Variants in SLC24A2 observed in about 807,000 individuals in gnomAD.
The protein encoded by SLC24A2 is solute carrier family 24 member 2, also known as sodium/potassium/calcium exchanger 2.
SLC24A2 carries 36 observed loss-of-function variants against 62.0 expected under a neutral mutation model. The observed-to-expected ratio is 0.58, with a 90% CI of 0.44 to 0.77. The LOEUF (loss-of-function observed/expected upper bound fraction) is 0.77. Among genes scored for constraint, SLC24A2 ranks in the 30% least tolerant of loss-of-function variants. SLC24A2 has a pLI of 0.00. For synonymous variants in SLC24A2, 358 were observed against 294.0 expected, an observed-to-expected ratio of 1.22 and a Z score of -2.23; for missense variants, 846 against 817.9, an observed-to-expected ratio of 1.03 and a Z score of -0.42.
At chr9:19,831,746 A>G in the SLC24A2 span, among the ~76,000 whole-genome samples, 1 of 152,232 alleles carries the variant, frequency 6.6e-6, no homozygotes, top group Non-Finnish European at 1.5e-5. Context: ...AGCCTTCACC[A>G]TGCCAAATAT....
chr9:19,734,845 A>G (rs1340052969), intron 2 of SLC24A2, among the ~76,000 whole-genome samples: 2 of 152,150 alleles, frequency 1.3e-5, no homozygotes, highest in Non-Finnish European at 2.9e-5. Context: ...CTTACACCTT[A>G]TACAAAAATT....
At chr9:20,098,686 G>A in the SLC24A2 span, among the ~76,000 whole-genome samples, 1 of 152,204 alleles carries the variant, frequency 6.6e-6, no homozygotes, top group South Asian at 2.1e-4. Context: ...CCTTTAACAA[G>A]CATGCCAGGT....
chr9:19,880,846 G>A, the SLC24A2 span, among the ~76,000 whole-genome samples: 429 of 152,282 alleles, frequency 2.8e-3, 11 homozygotes, highest in Admixed American at 0.027. Flanking sequence ...CTTCAAAGGA[G>A]TCGCAGGATG....
chr9:19,537,005 G>A (rs1411449907), intron 8 of SLC24A2, among the ~76,000 whole-genome samples: 2 of 143,568 alleles, frequency 1.4e-5, no homozygotes, highest in African/African-American at 5.2e-5. Context: ...GTCTTCTTTT[G>A]AGAAGTGTCT....
the SLC24A2 span, among the ~76,000 whole-genome samples, chr9:19,903,940 T>A: frequency 4.4e-4 from 67 of 152,296 alleles, no homozygotes; most frequent in African/African-American, 1.5e-3. Context: ...AAGCCTCTCA[T>A]GCACAAAGAT....
intron 7 of SLC24A2, among the ~76,000 whole-genome samples, chr9:19,571,215 C>A (rs1835827716): frequency 6.6e-6 from 1 of 152,140 alleles, no homozygotes; most frequent in South Asian, 2.1e-4. Context: ...TCTGCCAGCT[C>A]ACTCTTGAGC....
chr9:19,783,956 G>T (rs1400699337), intron 2 of SLC24A2, among the ~76,000 whole-genome samples: 2 of 152,034 alleles, frequency 1.3e-5, no homozygotes, highest in South Asian at 4.1e-4. Flanking sequence ...ATCAGAAACA[G>T]AAATAGTTAT....
the SLC24A2 span, among the ~76,000 whole-genome samples, chr9:20,100,084 T>C: frequency 0.12 from 17,872 of 152,138 alleles, 1,886 homozygotes; most frequent in East Asian, 0.58. Context: ...AGTGGTGCAA[T>C]TGACAGCCTC....
At chr9:19,844,960 T>TTA in the SLC24A2 span, among the ~76,000 whole-genome samples, 1 of 4,454 alleles carries the variant, frequency 2.2e-4, no homozygotes, top group Non-Finnish European at 3.4e-3. Context: ...TGCCTCTGGC[T>TTA]TTTTTTTTTT....
At chr9:19,727,060 GT>G (rs1180814790) in intron 2 of SLC24A2, among the ~76,000 whole-genome samples, 1 of 152,102 alleles carries the variant, frequency 6.6e-6, no homozygotes, top group African/African-American at 2.4e-5. Context: ...CTGAAACTTC[GT>G]CATGATTAAA....
chr9:19,842,308 G>A, the SLC24A2 span, among the ~76,000 whole-genome samples: 4 of 152,288 alleles, frequency 2.6e-5, no homozygotes, highest in African/African-American at 9.6e-5. Context: ...ACTGTTGAAT[G>A]AACTGGTCTT....
chr9:20,302,167 G>A, the SLC24A2 span, among the ~76,000 whole-genome samples: 4 of 152,078 alleles, frequency 2.6e-5, no homozygotes, highest in South Asian at 2.1e-4. Flanking sequence ...CAAGTTTTTG[G>A]CAATTCTGAA....
chr9:20,076,869 A>C, the SLC24A2 span, among the ~76,000 whole-genome samples: 1 of 61,370 alleles, frequency 1.6e-5, no homozygotes, highest in Non-Finnish European at 3.5e-5. Context: ...ATGTATATAT[A>C]TATATATATA....
chr9:20,285,552 C>T, the SLC24A2 span, among the ~76,000 whole-genome samples: 1 of 152,162 alleles, frequency 6.6e-6, no homozygotes, highest in Non-Finnish European at 1.5e-5. Context: ...TTTTGTTCTA[C>T]TTAGGCCTTT....
intron 2 of SLC24A2, among the ~76,000 whole-genome samples, chr9:19,641,392 C>G (rs1818488795): frequency 1.3e-5 from 2 of 152,234 alleles, no homozygotes; most frequent in Non-Finnish European, 2.9e-5. Flanking sequence ...GCATAATAAA[C>G]TTAACAAAAC....
At chr9:20,020,293 T>C in the SLC24A2 span, among the ~76,000 whole-genome samples, 270 of 152,294 alleles carry the variant, frequency 1.8e-3, 8 homozygotes, top group East Asian at 0.026. Flanking sequence ...GCAGCACTGT[T>C]CACAATAGCA....
chr9:19,951,977 T>A, the SLC24A2 span, among the ~76,000 whole-genome samples: 1 of 152,124 alleles, frequency 6.6e-6, no homozygotes, highest in Non-Finnish European at 1.5e-5. Flanking sequence ...ATGATTTATC[T>A]CCATTTATGT....
chr9:20,290,876 G>C, the SLC24A2 span, among the ~76,000 whole-genome samples: 1 of 152,202 alleles, frequency 6.6e-6, no homozygotes, highest in African/African-American at 2.4e-5. Context: ...GCACAGATAA[G>C]GTAGAGGACA....
chr9:19,766,607 T>G (rs1210840496), intron 2 of SLC24A2, among the ~76,000 whole-genome samples: 2 of 152,230 alleles, frequency 1.3e-5, no homozygotes, highest in Non-Finnish European at 2.9e-5. Context: ...CAGAACCTGT[T>G]TGCCTGCACC....
Sources: allele counts gnomAD v4.1 joint callset (sites outside exome capture counted in the v4.1 genomes callset), GRCh38; gene constraint gnomAD v4.1.1; transcripts MANE v1.5; gene names NCBI Gene and HGNC (gene_info 2026-07-23, HGNC 2026-07-21).